The following CHFR variants were observed in gnomAD, a reference collection of about 807,000 sequenced individuals.
The protein encoded by CHFR is E3 ubiquitin-protein ligase CHFR.
Under a neutral mutation model 87.6 loss-of-function variants are expected in CHFR, and 57 were observed. That is an observed-to-expected ratio of 0.65 (90% CI 0.53 to 0.81). The LOEUF (loss-of-function observed/expected upper bound fraction) is 0.81, where lower values mean the gene tolerates loss of function less well. Among genes scored for constraint, CHFR ranks in the 30% least tolerant of loss-of-function variants. CHFR has a pLI of 0.00. For synonymous variants in CHFR, 381 were observed against 359.2 expected (o/e 1.06, Z -0.69); for missense variants, 797 against 865.8 (o/e 0.92, Z 1.00).
chr12:132,841,521 C>T lies in CHFR; in HGVS notation c.*33G>A. On this transcript the variant is annotated 3_prime_UTR_variant, in exon 18 of 18. Coordinates refer to ENST00000450056, the MANE Select transcript of CHFR (RefSeq NM_001161346.2). ...TTTAAAAACACGCTCTCTTCACCTC[C>T]AGTGCTGAAAGCTGCTCAGGGCCTC... is the stretch of plus-strand genomic sequence containing the variant. The T allele has an allele frequency of 6.3e-7, 1 of 1,575,416 alleles. No individual in the cohort carries two copies. Among genetic ancestry groups the T allele is most frequent in the Non-Finnish European group, 8.7e-7 (1 of 1,144,840 alleles).
At chr12:132,855,530 G>A (rs1184901888) in intron 10 of CHFR, among the ~76,000 whole-genome samples, 1 of 152,014 alleles carries the variant, frequency 6.6e-6, no homozygotes, top group Non-Finnish European at 1.5e-5. Context: ...AGCTGGGTGT[G>A]GTGGCATGCG....
intron 8 of CHFR, 144 bp from the exon 9 acceptor site, chr12:132,857,703 G>C: frequency 1.3e-6 from 1 of 744,246 alleles, no homozygotes; most frequent in Non-Finnish European, 2.1e-6. Context: ...GTCAGTCTTG[G>C]TTAATGAAAA....
At chr12:132,862,441 A>G (rs1951233353) in intron 6 of CHFR, 1 of 452,540 alleles carries the variant, frequency 2.2e-6, no homozygotes, top group African/African-American at 2.0e-5. Context: ...AAAAATACAA[A>G]AAAGAAAAAA....
chr12:132,883,216 T>G (rs1216451478), intron 2 of CHFR, among the ~76,000 whole-genome samples: 1 of 143,442 alleles, frequency 7.0e-6, no homozygotes, highest in Non-Finnish European at 1.5e-5. Context: ...TCACCTGAGG[T>G]CAGGACTTAG....
chr12:132,851,880 G>A (rs7134338), intron 11 of CHFR, 143 bp from the exon 12 acceptor site: 888,684 of 888,816 alleles, frequency 1, 444,276 homozygotes, highest in Middle Eastern at 1. Context: ...CTAAACCACC[G>A]GGGACCTTCT....
rs1176073398 is a variant in CHFR, at chr12:132,836,792, G to T, written c.*4762C>A. The T allele has an allele frequency of 6.6e-6, 3 of 456,012 alleles. No individual in the cohort carries two copies. The highest frequency in any genetic ancestry group is 3.1e-5 in the South Asian group (2 of 64,548). 28.2% of individuals were successfully genotyped at this position (456,012 alleles called of 1,614,324 possible). A position where few individuals can be genotyped will look rare whatever the true frequency, so the allele number is the denominator to read the frequency against. ...CGCGGGAAAGATTTCAAGCCCAGGG[G>T]ACGGCTCATCAGCTCATCAGACCTT... On this transcript the variant is annotated 3_prime_UTR_variant, in exon 18 of 18. Transcript: ENST00000450056.
intron 2 of CHFR, among the ~76,000 whole-genome samples, chr12:132,885,986 T>C (rs1002822320): frequency 3.3e-5 from 5 of 152,186 alleles, no homozygotes; most frequent in Admixed American, 2.6e-4. Flanking sequence ...TTTGACTTGA[T>C]ACTGGAATGT....
rs533334808 is a variant in CHFR, at chr12:132,855,367, C to T, written c.1229+1101G>A. 1.6e-4 allele frequency among the ~76,000 whole-genome samples: 23 copies of T among 145,986 alleles called. No homozygotes were observed. In the South Asian group the frequency reaches 2.0e-3, roughly 13 times the overall value. ...AACCCGGGAGGCGGAGGTTGCAATG[C>T]GCCAAGATTGTGCCATTGGCAGGGC... On this transcript the variant is annotated intron_variant, in intron 10 of 17. Coordinates refer to ENST00000450056, the MANE Select transcript of CHFR (RefSeq NM_001161346.2).
rs1349601661 is a variant in CHFR, at chr12:132,840,338, C to G, written c.*1216G>C. Reference sequence around the variant, plus strand: ...AAGTGAGGCAGCCCCAGACACGAGCCCAACACGAGAGCGGAGGAGCAAACG... The same window carrying G: ...AAGTGAGGCAGCCCCAGACACGAGCGCAACACGAGAGCGGAGGAGCAAACG... On this transcript the variant is annotated 3_prime_UTR_variant, in exon 18 of 18. Coordinates refer to ENST00000450056, the MANE Select transcript of CHFR (RefSeq NM_001161346.2). The G allele has an allele frequency of 1.3e-5, 2 of 152,486 alleles. No individual in the cohort carries two copies. The highest frequency in any genetic ancestry group is 2.9e-5 in the Non-Finnish European group (2 of 68,052). The allele number at this position is 152,486 out of a possible 1,614,324, so 9.4% of individuals were successfully genotyped here.
chr12:132,846,348 C>T (rs1052990957), intron 15 of CHFR, among the ~76,000 whole-genome samples: 76 of 151,002 alleles, frequency 5.0e-4, no homozygotes, highest in Non-Finnish European at 9.0e-4. Flanking sequence ...CTGCAAGCTC[C>T]GCCTCCCGGG....
intron 2 of CHFR, among the ~76,000 whole-genome samples, chr12:132,883,184 T>C (rs1428752356): frequency 6.6e-6 from 1 of 152,054 alleles, no homozygotes; most frequent in African/African-American, 2.4e-5. Flanking sequence ...TCCCAGCACA[T>C]TGGGAGGCCG....
chr12:132,886,235 G>A (rs1408666169), intron 2 of CHFR, among the ~76,000 whole-genome samples: 1 of 151,992 alleles, frequency 6.6e-6, no homozygotes, highest in African/African-American at 2.4e-5. Context: ...CACTTGAACC[G>A]GGAGGCAGAG....
chr12:132,883,363 T>C lies in CHFR; in HGVS notation c.133+3833A>G, dbSNP rs373907187. 8.1e-5 allele frequency among the ~76,000 whole-genome samples: 12 copies of C among 148,330 alleles called. No individual in the cohort carries two copies. The East Asian group carries it at 2.0e-3, about 24-fold the overall frequency. ...ATCACTTGAACCTGGGAGGCGGAGG[T>C]TGCAGTGAGCCGAGATCACATCATT... On this transcript the variant is annotated intron_variant, in intron 2 of 17. Transcript: ENST00000450056.
chr12:132,835,762 C>T lies in CHFR; in HGVS notation c.*5792G>A. 3.4e-6 allele frequency: 1 copy of T among 291,898 alleles called. No individual in the cohort carries two copies. The highest frequency in any genetic ancestry group is 6.7e-6 in the Non-Finnish European group (1 of 149,410). The allele number at this position is 291,898 out of a possible 1,614,324, so 18.1% of individuals were successfully genotyped here. On this transcript the variant is annotated 3_prime_UTR_variant, in exon 18 of 18. Coordinates refer to ENST00000450056, the MANE Select transcript of CHFR (RefSeq NM_001161346.2). ...GGCCCAAGTGGACCCACATTCAAGG[C>T]CAGCACTGGGCAGGGCGGGTCTCAC... is the stretch of plus-strand genomic sequence containing the variant.
intron 6 of CHFR, among the ~76,000 whole-genome samples, chr12:132,862,871 T>A (rs1294339635): frequency 1.4e-5 from 2 of 147,268 alleles, no homozygotes; most frequent in Admixed American, 6.8e-5. Flanking sequence ...TGAGCCACTG[T>A]GCCTGGCCAA....
chr12:132,851,467 T>C (rs1950942329), intron 12 of CHFR, 151 bp downstream of exon 12: 4 of 871,320 alleles, frequency 4.6e-6, no homozygotes, highest in Admixed American at 2.6e-5. Flanking sequence ...GATTATTCAA[T>C]ATGGTGACGT....
intron 7 of CHFR, among the ~76,000 whole-genome samples, chr12:132,859,720 A>G (rs947076042): frequency 1.3e-5 from 2 of 152,144 alleles, no homozygotes; most frequent in African/African-American, 2.4e-5. Context: ...TTTTAATTAA[A>G]GAAACTGTAC....
At chr12:132,846,181 G>A (rs1950817163) in intron 15 of CHFR, among the ~76,000 whole-genome samples, 1 of 152,088 alleles carries the variant, frequency 6.6e-6, no homozygotes, top group African/African-American at 2.4e-5. Context: ...TCAAGCAGCA[G>A]TAGTGGCAGT....
chr12:132,842,156 T>C (rs1566172171), intron 17 of CHFR, among the ~76,000 whole-genome samples: 1 of 151,692 alleles, frequency 6.6e-6, no homozygotes, highest in Non-Finnish European at 1.5e-5. Context: ...GATAATTTTT[T>C]TAGAGAAGAG....
Sources: gnomAD v4.1 joint callset for allele counts (sites outside exome capture counted in the v4.1 genomes callset) on GRCh38, gnomAD v4.1.1 for gene constraint, MANE v1.5 for transcripts, NCBI Gene and HGNC (gene_info 2026-07-23, HGNC 2026-07-21) for gene names.